IGFL2: variants seen among roughly 807,000 people sequenced by gnomAD.
IGFL2 encodes the protein insulin growth factor-like family member 2.
Under a neutral mutation model 13.9 loss-of-function variants are expected in IGFL2, and 7 were observed. That is an observed-to-expected ratio of 0.51 (90% CI 0.29 to 0.95). The LOEUF is 0.95. IGFL2 is among the 40% of genes least tolerant of loss of function. The pLI, the probability that IGFL2 is intolerant of heterozygous loss-of-function variation, is 0.08. For missense variants in IGFL2, 138 were observed against 147.8 expected (o/e 0.93, Z 0.34); for synonymous variants, 55 against 55.8 (o/e 0.99, Z 0.07).
chr19:46,163,336 G>A (rs1385127379), downstream of IGFL2, among the ~76,000 whole-genome samples: 1 of 152,188 alleles, frequency 6.6e-6, no homozygotes, highest in Non-Finnish European at 1.5e-5. Flanking sequence ...CTTATTAGTG[G>A]TTGTGGCCAA....
At chr19:46,132,717 AAGGG>A in the IGFL2 span, among the ~76,000 whole-genome samples, 7 of 144,378 alleles carry the variant, frequency 4.8e-5, no homozygotes, top group East Asian at 1.3e-3. Context: ...AGGAGGGAGA[AAGGG>A]AGGGAGAGGG....
chr19:46,198,702 G>A, the IGFL2 span, among the ~76,000 whole-genome samples: 1 of 152,182 alleles, frequency 6.6e-6, no homozygotes, highest in African/African-American at 2.4e-5. Context: ...TTTGCAAGGA[G>A]AGAGAGATCA....
intron 1 of IGFL2, chr19:46,159,892 C>G (rs2146884289): frequency 6.3e-6 from 1 of 159,672 alleles, no homozygotes; most frequent in East Asian, 1.9e-4. Flanking sequence ...CGTTTGAGCC[C>G]TGGAGTTCAA....
chr19:46,088,751 A>T, the IGFL2 span, among the ~76,000 whole-genome samples: 2 of 152,240 alleles, frequency 1.3e-5, no homozygotes, highest in African/African-American at 4.8e-5. Context: ...AGATAAAGAC[A>T]TATCTAGAGC....
the IGFL2 span, among the ~76,000 whole-genome samples, chr19:46,129,307 TTGTGTGTGTGTGTGTG>T: frequency 2.3e-4 from 32 of 137,062 alleles, no homozygotes; most frequent in East Asian, 8.4e-4. Context: ...TGTTGATCTT[TTGTGTGTGTGTGTGTG>T]TGTGTGTGTG....
At chr19:46,150,831 T>C (rs941605064) in intron 1 of IGFL2, among the ~76,000 whole-genome samples, 1 of 151,850 alleles carries the variant, frequency 6.6e-6, no homozygotes, top group African/African-American at 2.4e-5. Flanking sequence ...CACCACACCA[T>C]GCTAATTTTG....
At chr19:46,210,459 A>T in the IGFL2 span, among the ~76,000 whole-genome samples, 1 of 151,960 alleles carries the variant, frequency 6.6e-6, no homozygotes, top group African/African-American at 2.4e-5. Context: ...GACACAATTT[A>T]TATATATATA....
chr19:46,171,608 A>G, the IGFL2 span, among the ~76,000 whole-genome samples: 21 of 152,198 alleles, frequency 1.4e-4, no homozygotes, highest in African/African-American at 5.1e-4. Flanking sequence ...TGGACTCAGC[A>G]TAGCTCTCAG....
chr19:46,188,137 T>C, the IGFL2 span, among the ~76,000 whole-genome samples: 1 of 152,206 alleles, frequency 6.6e-6, no homozygotes, highest in African/African-American at 2.4e-5. Flanking sequence ...GAATAATTTA[T>C]GAGAGTCTCC....
chr19:46,160,406 C>T lies in IGFL2; in HGVS notation c.20-9C>T. Reference sequence around the variant, plus strand: ...GCCCCATCCTTAACCTCCTTTCTTTCTCTCCCAGCTCCTGCTTATGTGTCA... The same window carrying T: ...GCCCCATCCTTAACCTCCTTTCTTTTTCTCCCAGCTCCTGCTTATGTGTCA... On this transcript the variant is annotated splice_polypyrimidine_tract_variant and intron_variant, in intron 1 of 3. Transcript: ENST00000377693. 6.2e-7 allele frequency: 1 copy of T among 1,611,932 alleles called. No homozygotes were observed. Among genetic ancestry groups the T allele is most frequent in the Non-Finnish European group, 8.5e-7 (1 of 1,178,828 alleles).
chr19:46,162,324 T>C (rs1974205559), downstream of IGFL2, among the ~76,000 whole-genome samples: 1 of 152,220 alleles, frequency 6.6e-6, no homozygotes, highest in Admixed American at 6.5e-5. Flanking sequence ...TTCCTGAATT[T>C]GTGTGTTGGC....
chr19:46,102,423 A>G, the IGFL2 span, among the ~76,000 whole-genome samples: 2 of 152,246 alleles, frequency 1.3e-5, no homozygotes, highest in African/African-American at 2.4e-5. Flanking sequence ...GATGTGGAGA[A>G]TATTACAAAG....
chr19:46,118,108 T>G, the IGFL2 span, among the ~76,000 whole-genome samples: 3 of 152,136 alleles, frequency 2.0e-5, no homozygotes, highest in African/African-American at 7.2e-5. Context: ...AGGAGGCAAT[T>G]AAAACAATAA....
At chr19:46,150,490 T>A (rs1243843260) in intron 1 of IGFL2, among the ~76,000 whole-genome samples, 1 of 152,232 alleles carries the variant, frequency 6.6e-6, no homozygotes, top group Non-Finnish European at 1.5e-5. Context: ...GGAATCTTTT[T>A]AAGAAGTTGA....
At chr19:46,182,835 G>A in the IGFL2 span, among the ~76,000 whole-genome samples, 3 of 151,974 alleles carry the variant, frequency 2.0e-5, no homozygotes, top group Non-Finnish European at 4.4e-5. Context: ...CCTGCCCTCT[G>A]TCTTGTGGTT....
chr19:46,109,057 C>G, the IGFL2 span, among the ~76,000 whole-genome samples: 1 of 152,118 alleles, frequency 6.6e-6, no homozygotes, highest in Non-Finnish European at 1.5e-5. Flanking sequence ...CGAAGGAGTC[C>G]CCCTCCCCCG....
chr19:46,128,891 A>G, the IGFL2 span, among the ~76,000 whole-genome samples: 6 of 152,130 alleles, frequency 3.9e-5, no homozygotes, highest in East Asian at 3.9e-4. Flanking sequence ...CTCCTTCTCA[A>G]TTTTTTGGAA....
chr19:46,124,116 T>G, the IGFL2 span: 2 of 1,611,012 alleles, frequency 1.2e-6, no homozygotes, highest in African/African-American at 2.7e-5. Context: ...CACACCTGGG[T>G]GTCGGCTGGC....
chr19:46,169,029 C>A, the IGFL2 span, among the ~76,000 whole-genome samples: 1 of 151,828 alleles, frequency 6.6e-6, no homozygotes, highest in South Asian at 2.1e-4. Context: ...CATAGTGGGA[C>A]CCTAGCTCCA....
Sources: allele counts gnomAD v4.1 joint callset (sites outside exome capture counted in the v4.1 genomes callset), GRCh38; gene constraint gnomAD v4.1.1; transcripts MANE v1.5; gene names NCBI Gene and HGNC (gene_info 2026-07-23, HGNC 2026-07-21).